Variants in CHAF1A observed in about 807,000 individuals in gnomAD.
The protein encoded by CHAF1A is chromatin assembly factor 1 subunit A.
A neutral mutation model predicts 93.2 loss-of-function variants in CHAF1A; 5 were observed. The ratio of observed to expected loss-of-function variants is 0.05; its 90% CI spans 0.03 to 0.11. The LOEUF is 0.11. Among genes scored for constraint, CHAF1A ranks in the 10% least tolerant of loss-of-function variants. The pLI, the probability that CHAF1A is intolerant of heterozygous loss-of-function variation, is 1.00. For synonymous variants in CHAF1A, 504 were observed against 510.3 expected (o/e 0.99, Z 0.17); for missense variants, 1,102 against 1,259.9 (o/e 0.87, Z 1.90).
chr19:4,429,958 T>G (rs1974151513), intron 10 of CHAF1A, 170 bp downstream of exon 10: 1 of 614,242 alleles, frequency 1.6e-6, no homozygotes, highest in African/African-American at 1.9e-5. Flanking sequence ...GACTTCCAGC[T>G]TCTCTCGAAA....
At chr19:4,450,758 C>CAAAAAAAA in the CHAF1A span, 21 of 43,802 alleles carry the variant, frequency 4.8e-4, no homozygotes, top group Middle Eastern at 0.025. Flanking sequence ...GACTCTGTCT[C>CAAAAAAAA]AAAAAAAAAA....
intron 1 of CHAF1A, among the ~76,000 whole-genome samples, 200 bp downstream of exon 1, chr19:4,403,014 G>C (rs1170658456): frequency 1.3e-5 from 2 of 152,226 alleles, no homozygotes; most frequent in Non-Finnish European, 2.9e-5. Context: ...TGTTGTAGCC[G>C]CGACCATATT....
chr19:4,446,373 C>T, downstream of CHAF1A: 2 of 1,575,800 alleles, frequency 1.3e-6, no homozygotes, highest in Non-Finnish European at 1.7e-6. Flanking sequence ...TCCCGCATGG[C>T]CTTGGTCCGC....
intron 7 of CHAF1A, among the ~76,000 whole-genome samples, chr19:4,426,088 T>A (rs1015347813): frequency 1.3e-5 from 2 of 152,202 alleles, no homozygotes; most frequent in African/African-American, 4.8e-5. Context: ...TTGCCTGATC[T>A]GTAAGTTTTT....
intron 10 of CHAF1A, chr19:4,430,255 G>T: frequency 2.7e-6 from 1 of 374,436 alleles, no homozygotes; most frequent in East Asian, 6.4e-5. Flanking sequence ...TCGGCTCACT[G>T]CAACCTCTGC....
intron 12 of CHAF1A, 74 bp downstream of exon 12, chr19:4,432,281 C>G (rs994648501): frequency 1.4e-6 from 2 of 1,478,756 alleles, no homozygotes; most frequent in Non-Finnish European, 1.8e-6. Context: ...GCAAGAGTCA[C>G]AGGCTAGTGG....
At chr19:4,434,786 G>C (rs989389993) in intron 13 of CHAF1A, among the ~76,000 whole-genome samples, 2 of 152,026 alleles carry the variant, frequency 1.3e-5, no homozygotes, top group African/African-American at 2.4e-5. Context: ...CACTCTGATC[G>C]GTCTCTCAGA....
intron 13 of CHAF1A, among the ~76,000 whole-genome samples, chr19:4,435,536 C>T (rs1473693775): frequency 2.0e-5 from 3 of 152,100 alleles, no homozygotes; most frequent in African/African-American, 7.2e-5. Flanking sequence ...TGCCACCACA[C>T]CCAGCTAATT....
At chr19:4,403,189 G>A (rs546305136) in intron 1 of CHAF1A, among the ~76,000 whole-genome samples, 14 of 152,030 alleles carry the variant, frequency 9.2e-5, no homozygotes, top group African/African-American at 3.4e-4. Context: ...CTTGCAGCGG[G>A]TGGGGAAACT....
chr19:4,446,355 C>T (rs761524177), downstream of CHAF1A: 8 of 1,571,940 alleles, frequency 5.1e-6, no homozygotes, highest in Non-Finnish European at 6.9e-6. Flanking sequence ...CCCCGCTGCT[C>T]CTCCTTCTCC....
rs201342425 is a variant in CHAF1A, at chr19:4,432,093, G to A, written c.2089G>A (p.Ala697Thr). Residue 697 changes from alanine to threonine, a missense_variant, in exon 12 of 15, where the codon GCA becomes ACA. Ala to Thr is a moderately conservative substitution (Grantham distance 58). Transcript: ENST00000301280. ...CGTGTGGGCGGCTGACAGAGACTGCGCAGGCGATGACCTGAAGGTACTGCA... is the reference window on the plus strand; with the variant it reads ...CGTGTGGGCGGCTGACAGAGACTGCACAGGCGATGACCTGAAGGTACTGCA... Reference protein sequence around the residue: ...GCVWAADRDCAGDDLKVLQQF... With the variant: ...GCVWAADRDCTGDDLKVLQQF... 5.5e-5 allele frequency: 89 copies of A among 1,613,894 alleles called. No individual in the cohort carries two copies. The highest frequency in any genetic ancestry group is 7.2e-5 in the Non-Finnish European group (85 of 1,180,028).
At chr19:4,406,730 G>C (rs1599635830) in intron 2 of CHAF1A, among the ~76,000 whole-genome samples, 2 of 152,244 alleles carry the variant, frequency 1.3e-5, no homozygotes, top group African/African-American at 4.8e-5. Context: ...ACCGCACCCG[G>C]CCCAGATTGT....
chr19:4,445,548 C>G (rs748257663), downstream of CHAF1A: 1 of 1,613,768 alleles, frequency 6.2e-7, no homozygotes, highest in African/African-American at 1.3e-5. Context: ...AGGATGGAGT[C>G]CGGCTCGGCC....
Position 4,408,994 on chromosome 19 carries a change from C to A in CHAF1A, c.195C>A (p.Ser65Arg), listed in dbSNP as rs763009084. 10 of 1,614,036 alleles carry A rather than the reference C, an allele frequency of 6.2e-6. No individual in the cohort carries two copies. In the East Asian group the frequency reaches 2.2e-4, roughly 36 times the overall value. Reference sequence around the variant, plus strand: ...AGGGTACTTCTGTGCAAAGTAAAAGCCCCGATTTAGAGGCCTCTTTGGACA... The same window carrying A: ...AGGGTACTTCTGTGCAAAGTAAAAGACCCGATTTAGAGGCCTCTTTGGACA... ...DDQGTSVQSK[S>R]PDLEASLDTL... The change falls in exon 3 of 15, where the codon AGC becomes AGA. Residue 65 changes from serine to arginine, a missense_variant. Physicochemically the swap from Ser to Arg is moderately radical, Grantham distance 110 (BLOSUM62 -1). Around this residue, in one of 6 missense-constraint regions of CHAF1A, gnomAD observed 379 missense variants for 365.7 expected, o/e 1.04. Transcript: ENST00000301280.
intron 3 of CHAF1A, among the ~76,000 whole-genome samples, chr19:4,410,656 T>C (rs144585293): frequency 4.6e-5 from 7 of 152,226 alleles, no homozygotes; most frequent in South Asian, 2.1e-4. Context: ...GCTGGAATTA[T>C]AGGCATGAGC....
chr19:4,407,241 C>A (rs13382120), intron 2 of CHAF1A, among the ~76,000 whole-genome samples: 36 of 105,862 alleles, frequency 3.4e-4, no homozygotes, highest in African/African-American at 1.1e-3. Flanking sequence ...CCCCCCACAC[C>A]CCCCCCAAAA....
rs893937158 is a variant in CHAF1A at position 4,437,947 on chromosome 19, T to C, written c.2674-4298T>C. Among the ~76,000 whole-genome samples, 4 of 152,110 alleles carry C rather than the reference T, an allele frequency of 2.6e-5. No individual in the cohort carries two copies. In the South Asian group the frequency reaches 6.2e-4, roughly 24 times the overall value. On this transcript the variant is annotated intron_variant, in intron 13 of 14. Transcript: ENST00000301280. ...TAGTAGAGACGGGGTTTCACTGTGTTAGCCAGGATGGTCCCGATCTCCTGA... is the reference window on the plus strand; with the variant it reads ...TAGTAGAGACGGGGTTTCACTGTGTCAGCCAGGATGGTCCCGATCTCCTGA...
At chr19:4,447,202 C>T (rs1181757610), downstream of CHAF1A, 11 of 578,894 alleles carry the variant, frequency 1.9e-5, no homozygotes, top group Middle Eastern at 4.6e-4. Context: ...AGGCTAACAC[C>T]GCCCAGGACC....
chr19:4,427,305 A>G, intron 7 of CHAF1A, among the ~76,000 whole-genome samples: 1 of 145,970 alleles, frequency 6.9e-6, no homozygotes, highest in East Asian at 2.1e-4. Flanking sequence ...GCCCACCACC[A>G]TGCCAAGCTA....
Sources: allele counts gnomAD v4.1 joint callset (sites outside exome capture counted in the v4.1 genomes callset), GRCh38; gene constraint gnomAD v4.1.1; regional missense constraint gnomAD v4.1.1; transcripts MANE v1.5; gene names NCBI Gene and HGNC (gene_info 2026-07-23, HGNC 2026-07-21).